OMA1: variants seen among roughly 807,000 people sequenced by gnomAD.
OMA1 encodes metalloendopeptidase OMA1, mitochondrial.
In OMA1, 38 loss-of-function variants were observed where a neutral mutation model predicts 30.9. That is an observed-to-expected ratio of 1.23 (90% confidence interval 0.95 to 1.61). The LOEUF (loss-of-function observed/expected upper bound fraction) is 1.61. Among genes scored for constraint, OMA1 ranks in the 40% most tolerant of loss-of-function variants. The probability of loss-of-function intolerance (pLI) is 0.00; values close to 1 mark genes in which losing one functional copy is unlikely to be tolerated. For synonymous variants in OMA1, 173 were observed against 121.9 expected (o/e 1.42, Z -2.76); for missense variants, 461 against 349.2 (o/e 1.32, Z -2.55).
chr1:58,518,239 G>A (rs1557450048), intron 7 of OMA1, among the ~76,000 whole-genome samples: 2 of 10,208 alleles, frequency 2.0e-4, no homozygotes, highest in African/African-American at 1.2e-3. Flanking sequence ...AGGGGAGAGG[G>A]GAGAGGGGAG....
intron 1 of OMA1, among the ~76,000 whole-genome samples, chr1:58,544,636 C>T (rs553084911): frequency 3.2e-4 from 48 of 152,288 alleles, no homozygotes; most frequent in African/African-American, 1.1e-3. Context: ...TTGTCGTTGT[C>T]CAGGCTGGAG....
chr1:58,541,293 CAAAAAAAAAAAAAAAAAAAAAAAAAA>C (rs71043292), intron 1 of OMA1, among the ~76,000 whole-genome samples: 3 of 27,562 alleles, frequency 1.1e-4, no homozygotes, highest in African/African-American at 2.2e-4. Flanking sequence ...GACTCTGTCT[CAAAAAAAAAAAAAAAAAAAAAAAAAA>C]AAAAAAAAAA....
At chr1:58,529,555 T>C (rs1646401177) in intron 6 of OMA1, among the ~76,000 whole-genome samples, 1 of 152,218 alleles carries the variant, frequency 6.6e-6, no homozygotes, top group South Asian at 2.1e-4. Flanking sequence ...AAAGCAATGA[T>C]ATTTTAACAG....
intron 1 of OMA1, among the ~76,000 whole-genome samples, chr1:58,541,293 CAAAAAAAAAAAAAAAAAAAAAAAAAAAA>C (rs71043292): frequency 0.23 from 6,498 of 27,654 alleles, 332 homozygotes; most frequent in South Asian, 0.34. Flanking sequence ...GACTCTGTCT[CAAAAAAAAAAAAAAAAAAAAAAAAAAAA>C]AAAAAAAAAA....
In OMA1 at chr1:58,539,253, A is replaced by G. The variant is rs1189011673; in HGVS notation, c.42T>C (p.His14=). ...ACAGTGAATTAAATCGGAAGAAAAC[A>G]TGGTTTCTAGCAGCAGACTGCAATC... ...ICGLQSAARN[H]VFFRFNSLSN... Residue 14 remains histidine (H), a synonymous_variant, in exon 2 of 9, where the codon CAT becomes CAC. Transcript: ENST00000371226. 8 of 869,338 alleles carry G rather than the reference A, an allele frequency of 9.2e-6. No homozygotes were observed. Among genetic ancestry groups the G allele is most frequent in the Non-Finnish European group, 1.6e-5 (8 of 500,758 alleles). The allele number at this position is 869,338 out of a possible 1,614,324, so 53.9% of individuals were successfully genotyped here.
intron 4 of OMA1, 37 bp from the exon 5 acceptor site, chr1:58,534,097 A>G (rs769487968): frequency 2.3e-6 from 2 of 867,468 alleles, no homozygotes; most frequent in Non-Finnish European, 4.0e-6. Context: ...CAATTAGAAC[A>G]TCATAAAAAA....
Position 58,481,132 on chromosome 1 carries a change from T to C in OMA1, c.1408A>G (p.Asn470Asp). The change falls in exon 9 of 9, where the codon AAT (asparagine) becomes GAT (aspartate). Residue 470 changes from asparagine (N) to aspartate (D), a missense_variant. By Grantham distance (23) the Asn-to-Asp change is conservative (BLOSUM62 1). Transcript: ENST00000371226. ...REMCNCPPLS[N>D]PDPRLLFKLS... ...TTGAATAGTAATCGAGGGTCTGGAT[T>C]AGACAGTGGTGGACAATTACACATC... The C allele has an allele frequency of 1.1e-6, 1 of 870,502 alleles. No individual in the cohort carries two copies. The highest frequency in any genetic ancestry group is 2.4e-5 in the East Asian group (1 of 41,536). The allele number at this position is 870,502 out of a possible 1,614,324, so 53.9% of individuals were successfully genotyped here.
chr1:58,537,553 T>C (rs17117714), intron 2 of OMA1, among the ~76,000 whole-genome samples: 2,809 of 152,294 alleles, frequency 0.018, 55 homozygotes, highest in East Asian at 0.12. Context: ...CTCTGCCACT[T>C]AGCAGTGTTC....
intron 8 of OMA1, among the ~76,000 whole-genome samples, chr1:58,482,856 C>A (rs764868420): frequency 1.1e-4 from 16 of 151,984 alleles, no homozygotes; most frequent in Non-Finnish European, 2.1e-4. Flanking sequence ...AGGGCAGGAG[C>A]AGATTATGTA....
chr1:58,486,066 C>T (rs1188630715), intron 8 of OMA1, among the ~76,000 whole-genome samples: 1 of 152,168 alleles, frequency 6.6e-6, no homozygotes, highest in African/African-American at 2.4e-5. Context: ...TTTCTATGTG[C>T]CTTTCACTGC....
chr1:58,546,484 T>C (rs1233439778), intron 1 of OMA1, among the ~76,000 whole-genome samples: 1 of 147,986 alleles, frequency 6.8e-6, no homozygotes, highest in African/African-American at 2.5e-5. Flanking sequence ...ATCCCCTCCG[T>C]CTCCCGCCCC....
chr1:58,517,817 G>C (rs1191127635), intron 7 of OMA1, among the ~76,000 whole-genome samples: 2 of 151,926 alleles, frequency 1.3e-5, no homozygotes, highest in South Asian at 2.1e-4. Flanking sequence ...TCCAAAGTAG[G>C]GGATTGGTCA....
intron 8 of OMA1, among the ~76,000 whole-genome samples, chr1:58,497,375 T>C (rs1645821446): frequency 6.6e-6 from 1 of 152,182 alleles, no homozygotes; most frequent in South Asian, 2.1e-4. Context: ...GTAGACAGAA[T>C]ATTTAATTTT....
chr1:58,497,126 A>G (rs1645815984), intron 8 of OMA1, among the ~76,000 whole-genome samples: 1 of 152,230 alleles, frequency 6.6e-6, no homozygotes, highest in African/African-American at 2.4e-5. Flanking sequence ...GTATATATAG[A>G]AACAAGTTAG....
intron 8 of OMA1, among the ~76,000 whole-genome samples, chr1:58,494,657 C>T (rs1645763607): frequency 6.6e-6 from 1 of 152,072 alleles, no homozygotes; most frequent in Non-Finnish European, 1.5e-5. Flanking sequence ...AGCCAAAAGA[C>T]ACATGAAAAA....
chr1:58,484,931 A>G (rs1645548660), intron 8 of OMA1, among the ~76,000 whole-genome samples: 1 of 152,062 alleles, frequency 6.6e-6, no homozygotes, highest in African/African-American at 2.4e-5. Flanking sequence ...CACAGAGTGT[A>G]TTTTTATGGC....
In OMA1 at chr1:58,481,053, GT is replaced by G. The variant is rs765400043; in HGVS notation, c.1486del (p.Thr496ArgfsTer19). On this transcript the variant is annotated frameshift_variant, in exon 9 of 9. Transcript: ENST00000371226. LOFTEE classifies it high-confidence loss of function. ...AAGAGTATCCATTTTCTGTTTCTTC[GT>G]GATATTTAGGTCTTCTTTCTCTGAT... ...EESEKEDLNI[T>X]KKQKMDTLPI... is the part of the protein sequence containing the mutation. 1 of 871,544 alleles carries G rather than the reference GT, an allele frequency of 1.1e-6. No individual in the cohort carries two copies. Among genetic ancestry groups the G allele is most frequent in the South Asian group, 1.3e-5 (1 of 76,468 alleles). The allele number at this position is 871,544 out of a possible 1,614,324, so 54.0% of individuals were successfully genotyped here.
chr1:58,522,323 T>G (rs1016742837), intron 7 of OMA1, among the ~76,000 whole-genome samples: 1 of 152,078 alleles, frequency 6.6e-6, no homozygotes, highest in African/African-American at 2.4e-5. Context: ...AACTTTAAAG[T>G]TGAAGAAAAA....
chr1:58,507,339 T>G (rs566824724), intron 7 of OMA1, among the ~76,000 whole-genome samples: 3 of 151,950 alleles, frequency 2.0e-5, no homozygotes, highest in Non-Finnish European at 2.9e-5. Flanking sequence ...AATAGTGTAA[T>G]TGTGAAACCC....
Sources: allele counts gnomAD v4.1 joint callset (sites outside exome capture counted in the v4.1 genomes callset), GRCh38; gene constraint gnomAD v4.1.1; transcripts MANE v1.5; gene names NCBI Gene and HGNC (gene_info 2026-07-23, HGNC 2026-07-21).